The following CNTNAP2 variants were observed in gnomAD, a reference collection of about 807,000 sequenced individuals.
CNTNAP2 encodes the protein contactin associated protein 2.
Under a neutral mutation model 155.2 loss-of-function variants are expected in CNTNAP2, and 98 were observed. The ratio of observed to expected loss-of-function variants is 0.63; its 90% CI spans 0.54 to 0.75. The LOEUF (loss-of-function observed/expected upper bound fraction) is 0.75. Ranked by LOEUF, CNTNAP2 falls within the 30% of genes least tolerant of loss-of-function variation. CNTNAP2 has a pLI of 0.00. For synonymous variants in CNTNAP2, 651 were observed against 631.2 expected (o/e 1.03, Z -0.47); for missense variants, 1,727 against 1,688.1 (o/e 1.02, Z -0.40).
chr7:147,797,689 C>G (rs1053924080), intron 13 of CNTNAP2, among the ~76,000 whole-genome samples: 2 of 152,068 alleles, frequency 1.3e-5, no homozygotes, highest in Non-Finnish European at 2.9e-5. Context: ...AATGCAATCT[C>G]CCAACATTTT....
chr7:146,118,730 T>C (rs1797521801), intron 1 of CNTNAP2, among the ~76,000 whole-genome samples: 1 of 152,126 alleles, frequency 6.6e-6, no homozygotes, highest in Non-Finnish European at 1.5e-5. Flanking sequence ...TTCATAAATA[T>C]TTTCTGAGTT....
At chr7:148,253,035 T>C (rs56062330) in intron 20 of CNTNAP2, among the ~76,000 whole-genome samples, 3,788 of 102,132 alleles carry the variant, frequency 0.037, 62 homozygotes, top group Non-Finnish European at 0.042. Flanking sequence ...GATAGATAGA[T>C]AGATAGATAG....
chr7:146,225,723 C>T (rs923536330), intron 1 of CNTNAP2, among the ~76,000 whole-genome samples: 1 of 152,200 alleles, frequency 6.6e-6, no homozygotes, highest in Non-Finnish European at 1.5e-5. Flanking sequence ...CCTCATCACA[C>T]AGTATGAGAA....
At chr7:146,141,140 C>T (rs1312894686) in intron 1 of CNTNAP2, among the ~76,000 whole-genome samples, 1 of 152,148 alleles carries the variant, frequency 6.6e-6, no homozygotes, top group Non-Finnish European at 1.5e-5. Flanking sequence ...ACTGTTTTCA[C>T]CATTTCAGAA....
chr7:146,432,187 A>C (rs1796182714), intron 1 of CNTNAP2, among the ~76,000 whole-genome samples: 1 of 152,156 alleles, frequency 6.6e-6, no homozygotes, highest in Non-Finnish European at 1.5e-5. Context: ...ACAGGAGAAA[A>C]AAACATATTT....
intron 1 of CNTNAP2, among the ~76,000 whole-genome samples, chr7:146,408,792 A>G (rs1795828300): frequency 6.6e-6 from 1 of 152,156 alleles, no homozygotes; most frequent in Admixed American, 6.5e-5. Flanking sequence ...ATATTAGGTA[A>G]AAACTACTTA....
At chr7:146,720,755 A>G (rs1479657249) in intron 1 of CNTNAP2, among the ~76,000 whole-genome samples, 1 of 151,506 alleles carries the variant, frequency 6.6e-6, no homozygotes, top group Non-Finnish European at 1.5e-5. Context: ...ATGATGTGTT[A>G]ATAAACTATT....
intron 1 of CNTNAP2, among the ~76,000 whole-genome samples, chr7:146,474,179 G>T (rs10225737): frequency 0.19 from 28,596 of 151,460 alleles, 3,933 homozygotes; most frequent in African/African-American, 0.39. Flanking sequence ...GGACTTCTGT[G>T]TAGATATTAT....
chr7:147,132,403 C>G lies in CNTNAP2; in HGVS notation c.1242C>G (p.His414Gln), dbSNP rs1239529684. 1.2e-6 allele frequency: 2 copies of G among 1,613,674 alleles called. No homozygotes were observed. The highest frequency in any genetic ancestry group is 4.5e-5 in the East Asian group (2 of 44,846). The change falls in exon 8 of 24, where the codon CAC (histidine) becomes CAG (glutamine). Residue 414 changes from histidine (H) to glutamine (Q), a missense_variant. His to Gln is a conservative substitution (Grantham distance 24, BLOSUM62 0). Transcript: ENST00000361727. ...WNPNGLLVFS[H>Q]FADNLGNVEI... ...CCAATGGTCTCCTGGTCTTCAGTCA[C>G]TTTGCGGATAATTTGGGCAATGTGG...
Position 148,196,272 on chromosome 7 carries a change from G to A in CNTNAP2, c.3011-21016G>A, listed in dbSNP as rs147476186. ...GACTCAGCATGGGAAACTATGCCAT[G>A]AAAATGCAGTTTGAATAGCTTGTCT... On this transcript the variant is annotated intron_variant, in intron 18 of 23. Transcript: ENST00000361727. Among the ~76,000 whole-genome samples the A allele has an allele frequency of 4.0e-3, 608 of 152,306 alleles. 17 individuals are homozygous for A. The highest frequency in any genetic ancestry group is 0.032 in the Admixed American group (488 of 15,294).
intron 13 of CNTNAP2, among the ~76,000 whole-genome samples, chr7:147,812,176 C>T (rs1269788472): frequency 6.6e-6 from 1 of 151,960 alleles, no homozygotes; most frequent in African/African-American, 2.4e-5. Context: ...ATAGGGAGAG[C>T]GGCCAGTCCA....
At chr7:146,624,053 T>G (rs1278593484) in intron 1 of CNTNAP2, among the ~76,000 whole-genome samples, 1 of 152,082 alleles carries the variant, frequency 6.6e-6, no homozygotes, top group Non-Finnish European at 1.5e-5. Context: ...CATCTCTATA[T>G]CATTTTTGAT....
Position 146,329,483 on chromosome 7 carries a change from T to A in CNTNAP2, c.97+212510T>A, listed in dbSNP as rs114519940. 7.4e-3 allele frequency among the ~76,000 whole-genome samples: 1,125 copies of A among 152,318 alleles called. 14 individuals are homozygous for A. Among genetic ancestry groups the A allele is most frequent in the African/African-American group, 0.026 (1,074 of 41,576 alleles). On this transcript the variant is annotated intron_variant, in intron 1 of 23. Transcript: ENST00000361727. ...GTGAGTGTTCATCTTACTCATTTTTTAAAAATATATTTTGGGAGTCCAGCA... is the reference window on the plus strand; with the variant it reads ...GTGAGTGTTCATCTTACTCATTTTTAAAAAATATATTTTGGGAGTCCAGCA...
chr7:146,884,972 A>G (rs554856181), intron 3 of CNTNAP2, among the ~76,000 whole-genome samples: 6 of 152,244 alleles, frequency 3.9e-5, no homozygotes, highest in Admixed American at 2.0e-4. Context: ...ACTGCATTTG[A>G]TAAGTTCAAG....
At chr7:146,284,095 T>G (rs1186741902) in intron 1 of CNTNAP2, among the ~76,000 whole-genome samples, 1 of 152,224 alleles carries the variant, frequency 6.6e-6, no homozygotes, top group Non-Finnish European at 1.5e-5. Context: ...TCATCCACTA[T>G]TGTTATTAAA....
At chr7:148,405,735 C>T (rs917045250) in intron 22 of CNTNAP2, among the ~76,000 whole-genome samples, 14 of 149,016 alleles carry the variant, frequency 9.4e-5, no homozygotes, top group Admixed American at 3.4e-4. Context: ...CCTGCCTCAG[C>T]CTCCCGAGTA....
In CNTNAP2 at chr7:148,419,419, CT is replaced by C. The variant is rs1009738174; in HGVS notation, c.*3811del. The stretch of plus-strand genomic sequence containing the variant: ...ACCAATGGCTCCTACCCCCGCCCCG[CT>C]TTTTTTTGTTGTTTTTTGTTTTGTT... On this transcript the variant is annotated 3_prime_UTR_variant, in exon 24 of 24. Coordinates refer to ENST00000361727, the MANE Select transcript of CNTNAP2 (RefSeq NM_014141.6). 4.6e-5 allele frequency: 7 copies of C among 152,112 alleles called. No individual in the cohort carries two copies. Among genetic ancestry groups the C allele is most frequent in the Non-Finnish European group, 7.3e-5 (5 of 68,262 alleles). The allele number at this position is 152,112 out of a possible 1,614,324, so 9.4% of individuals were successfully genotyped here.
intron 13 of CNTNAP2, among the ~76,000 whole-genome samples, chr7:147,650,546 G>A (rs916795495): frequency 6.6e-6 from 1 of 152,128 alleles, no homozygotes; most frequent in Non-Finnish European, 1.5e-5. Flanking sequence ...TTCATGATTA[G>A]TAAACGTATG....
At chr7:147,518,294 AAG>A (rs1320581983) in intron 11 of CNTNAP2, among the ~76,000 whole-genome samples, 2 of 152,230 alleles carry the variant, frequency 1.3e-5, no homozygotes, top group Non-Finnish European at 2.9e-5. Flanking sequence ...GAATTTCAGA[AAG>A]AGAAAAAATT....
Sources: gnomAD v4.1 joint callset for allele counts (sites outside exome capture counted in the v4.1 genomes callset) on GRCh38, gnomAD v4.1.1 for gene constraint, MANE v1.5 for transcripts, NCBI Gene and HGNC (gene_info 2026-07-23, HGNC 2026-07-21) for gene names.